The following DCBLD2 variants were observed in gnomAD, a reference collection of about 807,000 sequenced individuals.
DCBLD2 encodes the protein discoidin, CUB and LCCL domain-containing protein 2.
A neutral mutation model predicts 86.8 loss-of-function variants in DCBLD2; 54 were observed. That is an observed-to-expected ratio of 0.62 (90% CI 0.50 to 0.78). DCBLD2 has a LOEUF of 0.78. Ranked by LOEUF, DCBLD2 falls within the 30% of genes least tolerant of loss-of-function variation. The pLI is 0.00. For missense variants in DCBLD2, 908 were observed against 954.2 expected (o/e 0.95, Z 0.64); for synonymous variants, 354 against 341.3 (o/e 1.04, Z -0.41).
chr3:98,838,657 G>A (rs1489107048), intron 3 of DCBLD2, among the ~76,000 whole-genome samples: 1 of 152,162 alleles, frequency 6.6e-6, no homozygotes, highest in Non-Finnish European at 1.5e-5. Flanking sequence ...CGGCTGGGCA[G>A]AGGCTGCAAT....
intron 2 of DCBLD2, among the ~76,000 whole-genome samples, chr3:98,873,494 G>T (rs1372083062): frequency 2.6e-5 from 4 of 151,840 alleles, no homozygotes; most frequent in African/African-American, 9.7e-5. Flanking sequence ...ACAAAGAAAG[G>T]TCCTTCCAAT....
intron 2 of DCBLD2, among the ~76,000 whole-genome samples, chr3:98,857,011 C>T (rs574034576): frequency 1.4e-4 from 22 of 152,292 alleles, no homozygotes; most frequent in African/African-American, 4.8e-4. Flanking sequence ...CGCAGACCCT[C>T]GCAGTGAGTG....
intron 13 of DCBLD2, 135 bp from the exon 14 acceptor site, chr3:98,801,784 CTA>C: frequency 1.7e-6 from 1 of 598,764 alleles, no homozygotes; most frequent in South Asian, 2.4e-5. Flanking sequence ...CAATTCCCAC[CTA>C]TGAGTGAGAA....
At chr3:98,828,969 A>G (rs1367332813) in intron 3 of DCBLD2, among the ~76,000 whole-genome samples, 1 of 152,218 alleles carries the variant, frequency 6.6e-6, no homozygotes, top group East Asian at 1.9e-4. Flanking sequence ...AATCTATAGC[A>G]ATAAAAAGTA....
chr3:98,822,427 CTACTT>C lies in DCBLD2; in HGVS notation c.697-71_697-67del, dbSNP rs1942139607. On this transcript the variant is annotated intron_variant, in intron 5 of 15. Coordinates refer to ENST00000326840, the MANE Select transcript of DCBLD2 (RefSeq NM_080927.4). ...CTTAATAATTCATAAACAAGACACT[CTACTT>C]CCTGAGAAATCAGTTAATCTAGGCA... is the stretch of plus-strand genomic sequence containing the variant. The C allele has an allele frequency of 2.6e-6, 4 of 1,529,200 alleles. No individual in the cohort carries two copies. In the African/African-American group the frequency reaches 5.6e-5, roughly 21 times the overall value. 94.7% of individuals were successfully genotyped at this position (1,529,200 alleles called of 1,614,324 possible). A position where few individuals can be genotyped will look rare whatever the true frequency, so the allele number is the denominator to read the frequency against.
intron 1 of DCBLD2, among the ~76,000 whole-genome samples, chr3:98,900,307 A>G (rs1009999109): frequency 1.3e-5 from 2 of 152,228 alleles, no homozygotes; most frequent in Non-Finnish European, 2.9e-5. Context: ...TGCAATGGAA[A>G]TATCTTTTCA....
rs934021621 is a variant in DCBLD2 at position 98,799,559 on chromosome 3, G to T, written c.2141C>A (p.Thr714Asn). 1 of 1,614,010 alleles carries T rather than the reference G, an allele frequency of 6.2e-7. No homozygotes were observed. Among genetic ancestry groups the T allele is most frequent in the Middle Eastern group, 1.6e-4 (1 of 6,062 alleles). Residue 714 changes from threonine to asparagine, a missense_variant, in exon 16 of 16, where the codon ACT becomes AAT. Thr to Asn is a moderately conservative substitution (Grantham distance 65). This residue lies in a region of DCBLD2 where 606 missense variants were observed against 678.5 expected (regional missense o/e 0.89). Coordinates refer to ENST00000326840, the MANE Select transcript of DCBLD2 (RefSeq NM_080927.4). ...AGTCCTGGAGAGAAGTGTATTGTAA[G>T]TTCCCACTAGTGGGGGAGGTTGGTT... ...TGNQPPPLVG[T>N]YNTLLSRTDS...
rs140292217 is a variant in DCBLD2 at position 98,900,105 on chromosome 3, A to G, written c.205+1017T>C. On this transcript the variant is annotated intron_variant, in intron 1 of 15. Transcript: ENST00000326840. ...TTTTTTCCTTATAGTTACAGAGATT[A>G]TATTTCCACATGCCTGTCAAGGTTC... Among the ~76,000 whole-genome samples, 492 of 152,308 alleles carry G rather than the reference A, an allele frequency of 3.2e-3. 3 individuals are homozygous for G. The highest frequency in any genetic ancestry group is 8.3e-3 in the African/African-American group (347 of 41,566).
intron 2 of DCBLD2, among the ~76,000 whole-genome samples, chr3:98,865,884 G>A (rs923394174): frequency 4.5e-5 from 5 of 112,140 alleles, no homozygotes; most frequent in South Asian, 3.1e-4. Context: ...GACAGGCACC[G>A]GTGTGTGATG....
intron 13 of DCBLD2, among the ~76,000 whole-genome samples, chr3:98,803,567 A>C (rs1941770339): frequency 6.6e-6 from 1 of 152,210 alleles, no homozygotes. Flanking sequence ...CCTGGCCAGA[A>C]CTTCCAACAC....
chr3:98,838,964 G>C (rs1225538984), intron 3 of DCBLD2, among the ~76,000 whole-genome samples: 2 of 151,076 alleles, frequency 1.3e-5, no homozygotes, highest in East Asian at 3.9e-4. Context: ...CAGGGAGGTT[G>C]CAGTGAGCCG....
intron 2 of DCBLD2, among the ~76,000 whole-genome samples, chr3:98,870,610 AGGAAAGGGAAAG>A (rs796431895): frequency 7.4e-4 from 112 of 150,908 alleles, no homozygotes; most frequent in Non-Finnish European, 2.8e-4. Flanking sequence ...TAAGATGGAA[AGGAAAGGGAAAG>A]GGAAAGGGAA....
intron 2 of DCBLD2, among the ~76,000 whole-genome samples, chr3:98,861,185 T>C (rs1559790251): frequency 1.3e-5 from 2 of 152,152 alleles, no homozygotes; most frequent in Admixed American, 6.5e-5. Flanking sequence ...CTATCCTAAA[T>C]ATATATGCAG....
chr3:98,807,935 T>C (rs2107429759), intron 13 of DCBLD2, 146 bp downstream of exon 13: 1 of 505,574 alleles, frequency 2.0e-6, no homozygotes, highest in Non-Finnish European at 3.1e-6. Flanking sequence ...TTATTTTTAA[T>C]GGGAATAAAG....
At chr3:98,887,530 A>C (rs929564114) in intron 1 of DCBLD2, among the ~76,000 whole-genome samples, 3 of 151,832 alleles carry the variant, frequency 2.0e-5, no homozygotes, top group African/African-American at 7.3e-5. Context: ...AGCCCTGGTA[A>C]TTTTCCTTGT....
intron 3 of DCBLD2, among the ~76,000 whole-genome samples, chr3:98,836,919 G>A (rs1256916952): frequency 2.6e-5 from 2 of 78,418 alleles, no homozygotes; most frequent in East Asian, 6.5e-4. Context: ...CCGGGCGGGG[G>A]GCTGACCCCC....
In DCBLD2 at chr3:98,881,527, A is replaced by G; in HGVS notation, c.433+13T>C. 2 of 1,608,778 alleles carry G rather than the reference A, an allele frequency of 1.2e-6. No individual in the cohort carries two copies. Among genetic ancestry groups the G allele is most frequent in the East Asian group, 2.2e-5 (1 of 44,834 alleles). On this transcript the variant is annotated intron_variant, in intron 2 of 15. Coordinates refer to ENST00000326840, the MANE Select transcript of DCBLD2 (RefSeq NM_080927.4). The stretch of plus-strand genomic sequence containing the variant: ...GATGTATTTACATGTACATTTACAA[A>G]AAAAAGTCCTACCTATTTCAGTTCT...
rs190637453 is a variant in DCBLD2 at position 98,901,239 on chromosome 3, G to C, written c.88C>G (p.Leu30Val). 16,526 of 1,534,558 alleles carry C rather than the reference G, an allele frequency of 0.011. 104 individuals are homozygous for C. The highest frequency in any genetic ancestry group is 0.014 in the Middle Eastern group (67 of 4,674). The change falls in exon 1 of 16, where the codon CTC (leucine) becomes GTC (valine). Residue 30 changes from leucine (L) to valine (V), a missense_variant. Physicochemically the swap from Leu to Val is conservative, Grantham distance 32. This residue lies in a region of DCBLD2 where 294 missense variants were observed against 256.0 expected (regional missense o/e 1.15). Coordinates refer to ENST00000326840, the MANE Select transcript of DCBLD2 (RefSeq NM_080927.4). ...AAAAAPAWAA[L>V]PLSRSLPPCS... is the part of the protein sequence containing the mutation. ...GGAGGGAGGGAGCGGGAGAGGGGGA[G>C]CGCGGCCCAGGCGGGGGCGGCGGCC...
At chr3:98,899,615 C>T (rs2107537497) in intron 1 of DCBLD2, among the ~76,000 whole-genome samples, 1 of 152,268 alleles carries the variant, frequency 6.6e-6, no homozygotes, top group Middle Eastern at 3.4e-3. Flanking sequence ...TGATTCTATA[C>T]TGTTCCAAGA....
Sources: allele counts gnomAD v4.1 joint callset (sites outside exome capture counted in the v4.1 genomes callset), GRCh38; gene constraint gnomAD v4.1.1; regional missense constraint gnomAD v4.1.1; transcripts MANE v1.5; gene names NCBI Gene and HGNC (gene_info 2026-07-23, HGNC 2026-07-21).